The following ACTR1A variants were observed in gnomAD, a reference collection of about 807,000 sequenced individuals.
The protein encoded by ACTR1A is alpha-centractin.
In ACTR1A, 10 loss-of-function variants were observed where a neutral mutation model predicts 50.7. That is an observed-to-expected ratio of 0.20 (90% confidence interval 0.12 to 0.33). ACTR1A has a LOEUF of 0.33. Among genes scored for constraint, ACTR1A ranks in the 10% least tolerant of loss-of-function variants. The pLI is 1.00. For missense variants in ACTR1A, 253 were observed against 491.7 expected, an observed-to-expected ratio of 0.51 and a Z score of 4.59; for synonymous variants, 177 against 184.2, an observed-to-expected ratio of 0.96 and a Z score of 0.32.
At chr10:102,480,995 T>C (rs757041169) in intron 10 of ACTR1A, 30 bp from the exon 11 acceptor site, 1 of 1,595,516 alleles carries the variant, frequency 6.3e-7, no homozygotes, top group South Asian at 1.1e-5. Context: ...AGGAACTGTG[T>C]GAGAGAGAAG....
At chr10:102,502,338 C>A (rs966292392) in intron 1 of ACTR1A, among the ~76,000 whole-genome samples, 1 of 152,210 alleles carries the variant, frequency 6.6e-6, no homozygotes, top group African/African-American at 2.4e-5. Context: ...CGGTTAAGGC[C>A]CCTAGAGCCA....
At chr10:102,502,543 G>T in intron 1 of ACTR1A, 57 bp downstream of exon 1, 1 of 1,592,994 alleles carries the variant, frequency 6.3e-7, no homozygotes, top group South Asian at 1.1e-5. Context: ...CCCGGGAAGC[G>T]ATCCTTTCGA....
intron 1 of ACTR1A, among the ~76,000 whole-genome samples, chr10:102,500,800 C>T (rs566565936): frequency 1.3e-5 from 2 of 151,844 alleles, no homozygotes; most frequent in Admixed American, 1.3e-4. Context: ...CTGCCAGGCA[C>T]GGTGGCTCAG....
chr10:102,498,027 G>A (rs1589965655), intron 1 of ACTR1A, among the ~76,000 whole-genome samples: 1 of 151,732 alleles, frequency 6.6e-6, no homozygotes, highest in South Asian at 2.1e-4. Flanking sequence ...GCAAGCTGAG[G>A]CTGCAGTGAG....
At chr10:102,497,213 G>A (rs977435708) in intron 1 of ACTR1A, among the ~76,000 whole-genome samples, 2 of 151,446 alleles carry the variant, frequency 1.3e-5, no homozygotes, top group Non-Finnish European at 2.9e-5. Context: ...AGAGGGAAAT[G>A]GGCAGGAATG....
At chr10:102,483,996 G>A (rs1019991298) in intron 6 of ACTR1A, 164 bp downstream of exon 6, 14 of 623,278 alleles carry the variant, frequency 2.2e-5, no homozygotes, top group Admixed American at 8.7e-5. Flanking sequence ...TCAGGAAGGC[G>A]AATCTGTCAG....
Position 102,488,315 on chromosome 10 carries a change from C to T in ACTR1A, c.190-40G>A. The T allele has an allele frequency of 2.5e-6, 4 of 1,599,966 alleles. No individual in the cohort carries two copies. The highest frequency in any genetic ancestry group is 3.4e-6 in the Non-Finnish European group (4 of 1,168,086). On this transcript the variant is annotated intron_variant, in intron 3 of 10. Coordinates refer to ENST00000369905, the MANE Select transcript of ACTR1A (RefSeq NM_005736.4). The surrounding 1 kb of genome is among the most constrained non-coding windows in gnomAD (Gnocchi z 4.4). ...CAGGACTTACGACTGCAGTCAGGCTCCACCCAGGACCCTGTTCTCCCAAGA... is the reference window on the plus strand; with the variant it reads ...CAGGACTTACGACTGCAGTCAGGCTTCACCCAGGACCCTGTTCTCCCAAGA...
chr10:102,500,582 A>AACAG (rs2062244999), intron 1 of ACTR1A, among the ~76,000 whole-genome samples: 1 of 137,294 alleles, frequency 7.3e-6, no homozygotes, highest in Non-Finnish European at 1.6e-5. Flanking sequence ...CAAACAAACA[A>AACAG]ACAAACAAAC....
At chr10:102,501,890 C>A (rs2062253939) in intron 1 of ACTR1A, among the ~76,000 whole-genome samples, 1 of 152,256 alleles carries the variant, frequency 6.6e-6, no homozygotes, top group South Asian at 2.1e-4. Context: ...CTCTCTGCTT[C>A]CTTTGTCACT....
At chr10:102,496,459 C>T (rs1159968659) in intron 1 of ACTR1A, among the ~76,000 whole-genome samples, 1 of 152,238 alleles carries the variant, frequency 6.6e-6, no homozygotes, top group Non-Finnish European at 1.5e-5. Flanking sequence ...GACGTTTCTT[C>T]TTCCACATGG....
At chr10:102,481,275 A>G (rs2062139832) in intron 9 of ACTR1A, 103 bp from the exon 10 acceptor site, 1 of 1,307,466 alleles carries the variant, frequency 7.6e-7, no homozygotes, top group Non-Finnish European at 1.0e-6. Context: ...CATTTTACAC[A>G]AGCCTGAAGC....
chr10:102,486,461 G>A (rs1448778755), intron 4 of ACTR1A, among the ~76,000 whole-genome samples: 7 of 152,062 alleles, frequency 4.6e-5, no homozygotes, highest in African/African-American at 9.7e-5. Flanking sequence ...AGGCTGAGGC[G>A]TGCGGATCAT....
intron 1 of ACTR1A, among the ~76,000 whole-genome samples, chr10:102,500,345 G>A: frequency 6.6e-6 from 1 of 152,094 alleles, no homozygotes; most frequent in East Asian, 1.9e-4. Context: ...CGAGGTGGGC[G>A]GATCACGAGG....
intron 1 of ACTR1A, among the ~76,000 whole-genome samples, chr10:102,498,107 T>G (rs1215910448): frequency 6.7e-6 from 1 of 148,248 alleles, no homozygotes; most frequent in Non-Finnish European, 1.5e-5. Flanking sequence ...AAAAAAAAGA[T>G]AGGGTTGTGG....
chr10:102,482,363 A>T lies in ACTR1A; in HGVS notation c.751-188T>A. 1.7e-6 allele frequency: 1 copy of T among 605,936 alleles called. No homozygotes were observed. 37.5% of individuals were successfully genotyped at this position (605,936 alleles called of 1,614,324 possible). The stretch of plus-strand genomic sequence containing the variant: ...AGGCCTCCTGGAAACTAGTGAGGGG[A>T]GGCTCCTATATTTCCTTCTCGCTCT... On this transcript the variant is annotated intron_variant, in intron 7 of 10. Transcript: ENST00000369905. This position sits in a 1 kb window ranked among gnomAD's most constrained non-coding sequence, Gnocchi z 5.6.
intron 1 of ACTR1A, among the ~76,000 whole-genome samples, chr10:102,501,387 G>A (rs749095783): frequency 2.0e-5 from 3 of 152,190 alleles, no homozygotes; most frequent in African/African-American, 4.8e-5. Flanking sequence ...CCCAAGAGCT[G>A]AATCAACAAA....
At chr10:102,481,243 T>C in intron 9 of ACTR1A, 71 bp from the exon 10 acceptor site, 2 of 1,466,004 alleles carry the variant, frequency 1.4e-6, no homozygotes, top group Middle Eastern at 1.9e-4. Context: ...AATGCTCCTC[T>C]TTCTGCCCAT....
intron 1 of ACTR1A, among the ~76,000 whole-genome samples, chr10:102,494,785 C>G (rs572140305): frequency 6.6e-6 from 1 of 152,290 alleles, no homozygotes; most frequent in East Asian, 1.9e-4. Flanking sequence ...TGGCAAAACG[C>G]TGTCTCTACA....
chr10:102,488,989 G>T lies in ACTR1A; in HGVS notation c.189+74C>A. 2 of 1,145,300 alleles carry T rather than the reference G, an allele frequency of 1.7e-6. No homozygotes were observed. The highest frequency in any genetic ancestry group is 2.4e-6 in the Non-Finnish European group (2 of 841,718). 70.9% of individuals were successfully genotyped at this position (1,145,300 alleles called of 1,614,324 possible). A position where few individuals can be genotyped will look rare whatever the true frequency, so the allele number is the denominator to read the frequency against. ...TTACTTATGGGTATGTCCAAATGTT[G>T]GGACATGTTCCATGTGGTGAATAAT... On this transcript the variant is annotated intron_variant, in intron 3 of 10. Transcript: ENST00000369905. This position sits in a 1 kb window ranked among gnomAD's most constrained non-coding sequence, Gnocchi z 4.4.
Sources: allele counts gnomAD v4.1 joint callset (sites outside exome capture counted in the v4.1 genomes callset), GRCh38; gene constraint gnomAD v4.1.1; non-coding constraint Gnocchi (gnomAD v3.1); transcripts MANE v1.5; gene names NCBI Gene and HGNC (gene_info 2026-07-23, HGNC 2026-07-21).